Variants in NPAT observed in about 807,000 individuals in gnomAD.
The protein encoded by NPAT is nuclear protein, coactivator of histone transcription.
In NPAT, 52 loss-of-function variants were observed where a neutral mutation model predicts 130.7. That is an observed-to-expected ratio of 0.40 (90% CI 0.32 to 0.50). The LOEUF is 0.50. NPAT is among the 20% of genes least tolerant of loss of function. The pLI, the probability that NPAT is intolerant of heterozygous loss-of-function variation, is 0.68. For missense variants in NPAT, 1,687 were observed against 1,662.6 expected (o/e 1.01, Z -0.26); for synonymous variants, 580 against 584.8 (o/e 0.99, Z 0.12).
At chr11:108,180,967 G>T (rs2078052791) in intron 10 of NPAT, among the ~76,000 whole-genome samples, 2 of 152,222 alleles carry the variant, frequency 1.3e-5, no homozygotes, top group Non-Finnish European at 2.9e-5. Context: ...TTCTACTTAT[G>T]TGAGGTATGT....
chr11:108,181,243 C>A (rs1157304267), intron 10 of NPAT, among the ~76,000 whole-genome samples: 10 of 152,308 alleles, frequency 6.6e-5, no homozygotes, highest in African/African-American at 2.4e-4. Flanking sequence ...GCGGGCAGAT[C>A]ACCCGAGGTC....
chr11:108,208,507 G>C, intron 1 of NPAT: 1 of 454,846 alleles, frequency 2.2e-6, no homozygotes, highest in Non-Finnish European at 4.4e-6. Context: ...AGGATAGCTT[G>C]AGCCCAGGAG....
chr11:108,193,825 CT>C, intron 3 of NPAT, 131 bp downstream of exon 3: 1 of 560,128 alleles, frequency 1.8e-6, no homozygotes, highest in Non-Finnish European at 3.2e-6. Context: ...AAAAATTTAT[CT>C]CATTACAACA....
In NPAT at chr11:108,181,512, A is replaced by G. The variant is rs532487785; in HGVS notation, c.906+3720T>C. 4.6e-5 allele frequency among the ~76,000 whole-genome samples: 7 copies of G among 152,296 alleles called. No homozygotes were observed. In the South Asian group the frequency reaches 1.2e-3, roughly 27 times the overall value. ...ACTTACAGCTATCTATTGCACAACA[A>G]TGTGAATATAATTAACATTACCAAA... On this transcript the variant is annotated intron_variant, in intron 10 of 17. Coordinates refer to ENST00000278612, the MANE Select transcript of NPAT (RefSeq NM_002519.3).
intron 13 of NPAT, among the ~76,000 whole-genome samples, chr11:108,170,489 A>G (rs1267543875): frequency 6.6e-6 from 1 of 152,176 alleles, no homozygotes; most frequent in Non-Finnish European, 1.5e-5. Flanking sequence ...TGTAACCCCA[A>G]CCTATTACAT....
chr11:108,204,264 C>T (rs2078303521), intron 1 of NPAT, among the ~76,000 whole-genome samples: 1 of 152,090 alleles, frequency 6.6e-6, no homozygotes, highest in South Asian at 2.1e-4. Context: ...GGACAGAGTC[C>T]ACAACTAGAA....
Position 108,157,860 on chromosome 11 carries a change from C to T in NPAT, c.*1082G>A, listed in dbSNP as rs1355149781. 1.3e-5 allele frequency: 2 copies of T among 152,488 alleles called. No individual in the cohort carries two copies. Among genetic ancestry groups the T allele is most frequent in the Non-Finnish European group, 2.9e-5 (2 of 67,942 alleles). 9.4% of individuals were successfully genotyped at this position (152,488 alleles called of 1,614,324 possible). On this transcript the variant is annotated 3_prime_UTR_variant, in exon 18 of 18. Transcript: ENST00000278612. ...TACAGAGAAGGCACCTCTCTCATCT[C>T]TCACTCTCCTTAAGGACCTTTTGAG...
At chr11:108,159,045 A>G in intron 17 of NPAT, 26 bp from the exon 18 acceptor site, 1 of 1,515,750 alleles carries the variant, frequency 6.6e-7, no homozygotes, top group Non-Finnish European at 9.1e-7. Flanking sequence ...AAGAAAAAAT[A>G]AACTCAAAAC....
chr11:108,195,424 T>C (rs1332204763), intron 2 of NPAT, among the ~76,000 whole-genome samples: 1 of 152,226 alleles, frequency 6.6e-6, no homozygotes, highest in East Asian at 1.9e-4. Context: ...CACTGGGGTA[T>C]TAATTTGCAT....
At chr11:108,168,264 A>G (rs1027329626) in intron 15 of NPAT, among the ~76,000 whole-genome samples, 1 of 152,238 alleles carries the variant, frequency 6.6e-6, no homozygotes, top group East Asian at 1.9e-4. Flanking sequence ...GATGTTCCTC[A>G]TATCATTGCA....
intron 15 of NPAT, among the ~76,000 whole-genome samples, chr11:108,165,342 G>A (rs895064755): frequency 6.6e-5 from 10 of 150,712 alleles, no homozygotes; most frequent in Admixed American, 6.6e-4. Flanking sequence ...AAACTCCTGG[G>A]CTCGCATTCC....
intron 13 of NPAT, among the ~76,000 whole-genome samples, chr11:108,170,550 A>G (rs1411725390): frequency 1.3e-5 from 2 of 152,360 alleles, no homozygotes; most frequent in African/African-American, 2.4e-5. Context: ...TAACTGGTCA[A>G]AACTATGGAG....
intron 1 of NPAT, among the ~76,000 whole-genome samples, chr11:108,198,482 A>G (rs957477394): frequency 6.9e-6 from 1 of 145,520 alleles, no homozygotes; most frequent in Non-Finnish European, 1.5e-5. Context: ...AATACAGTTG[A>G]TAAGAGCAGG....
intron 1 of NPAT, among the ~76,000 whole-genome samples, chr11:108,212,062 A>C (rs1409985870): frequency 6.6e-6 from 1 of 151,534 alleles, no homozygotes; most frequent in African/African-American, 2.4e-5. Context: ...TCAACCTCAT[A>C]GAGTTATCTA....
intron 1 of NPAT, among the ~76,000 whole-genome samples, chr11:108,198,753 TA>T (rs1373071239): frequency 2.0e-5 from 3 of 152,212 alleles, no homozygotes; most frequent in African/African-American, 4.8e-5. Flanking sequence ...ACATGGGGAC[TA>T]CCTGCCTTTG....
At chr11:108,213,397 C>T (rs2134899344) in intron 1 of NPAT, among the ~76,000 whole-genome samples, 1 of 152,262 alleles carries the variant, frequency 6.6e-6, no homozygotes, top group African/African-American at 2.4e-5. Context: ...ATTAAGAATG[C>T]AATGCTAGTT....
At chr11:108,193,731 AAACCAAAAAAACAAAAAACAAC>A (rs2078193109) in intron 3 of NPAT, among the ~76,000 whole-genome samples, 1 of 152,162 alleles carries the variant, frequency 6.6e-6, no homozygotes, top group South Asian at 2.1e-4. Context: ...GTCTCAAAAA[AAACCAAAAAAACAAAAAACAAC>A]AACCAAAAAA....
At chr11:108,217,100 G>C (rs546704617) in intron 1 of NPAT, among the ~76,000 whole-genome samples, 1 of 152,222 alleles carries the variant, frequency 6.6e-6, no homozygotes, top group African/African-American at 2.4e-5. Context: ...CCAGGTACAC[G>C]TTTCTTCCCA....
Position 108,213,887 on chromosome 11 carries a change from G to A in NPAT, c.37+8613C>T, listed in dbSNP as rs376956982. ...GAAGCATGGAATCCAGACATTTATG[G>A]TCAGTTTATTTTTTTTCAGAGACAG... On this transcript the variant is annotated intron_variant, in intron 1 of 17. Transcript: ENST00000278612. Among the ~76,000 whole-genome samples the A allele has an allele frequency of 3.9e-5, 6 of 152,138 alleles. No individual in the cohort carries two copies. The South Asian group carries it at 6.2e-4, about 16-fold the overall frequency.
Sources: allele counts gnomAD v4.1 joint callset (sites outside exome capture counted in the v4.1 genomes callset), GRCh38; gene constraint gnomAD v4.1.1; transcripts MANE v1.5; gene names NCBI Gene and HGNC (gene_info 2026-07-23, HGNC 2026-07-21).